DYNC1H1: variants seen among roughly 807,000 people sequenced by gnomAD.
DYNC1H1 encodes dynein cytoplasmic 1 heavy chain 1, also known as cytoplasmic dynein 1 heavy chain 1.
A neutral mutation model predicts 527.1 loss-of-function variants in DYNC1H1; 51 were observed. The observed-to-expected ratio is 0.10, with a 90% CI of 0.08 to 0.12. The LOEUF (loss-of-function observed/expected upper bound fraction) is 0.12, where lower values mean the gene tolerates loss of function less well. Ranked by LOEUF, DYNC1H1 falls within the 10% of genes least tolerant of loss-of-function variation. DYNC1H1 has a pLI of 1.00. For missense variants in DYNC1H1, 2,771 were observed against 5,971.8 expected (o/e 0.46, Z 17.66); for synonymous variants, 2,189 against 2,278.8 (o/e 0.96, Z 1.12).
chr14:101,966,601 T>C (rs1316956346), intron 1 of DYNC1H1, among the ~76,000 whole-genome samples: 1 of 152,194 alleles, frequency 6.6e-6, no homozygotes, highest in African/African-American at 2.4e-5. Context: ...AAATACATTT[T>C]AATCTGCATT....
In DYNC1H1 at chr14:102,034,392, G is replaced by C. The variant is rs547814062; in HGVS notation, c.10694G>C (p.Ser3565Thr). The C allele has an allele frequency of 1.9e-6, 3 of 1,613,984 alleles. No individual in the cohort carries two copies. The highest frequency in any genetic ancestry group is 2.5e-6 in the Non-Finnish European group (3 of 1,180,042). Residue 3565 changes from serine to threonine, a missense_variant, in exon 56 of 78, where the codon AGC becomes ACC. By Grantham distance (58) the Ser-to-Thr change is moderately conservative (BLOSUM62 1). Coordinates refer to ENST00000360184, the MANE Select transcript of DYNC1H1 (RefSeq NM_001376.5). ...NADERLRWQA[S>T]SLPADDLCTE... is the part of the protein sequence containing the mutation. Reference sequence around the variant, plus strand: ...GATGAGCGTCTTCGCTGGCAGGCCAGCTCCTTGCCTGCTGATGACCTTTGC... The same window carrying C: ...GATGAGCGTCTTCGCTGGCAGGCCACCTCCTTGCCTGCTGATGACCTTTGC...
chr14:101,973,418 C>T (rs961012905), intron 1 of DYNC1H1, among the ~76,000 whole-genome samples: 1 of 152,032 alleles, frequency 6.6e-6, no homozygotes, highest in Non-Finnish European at 1.5e-5. Context: ...CCTCGGCCTC[C>T]CAAAGTGCTG....
At chr14:102,008,411 C>G in intron 29 of DYNC1H1, 74 bp downstream of exon 29, 1 of 1,563,930 alleles carries the variant, frequency 6.4e-7, no homozygotes, top group Non-Finnish European at 8.7e-7. Flanking sequence ...TTTTCTACCT[C>G]TTGGATTAGA....
At chr14:101,994,432 T>C in intron 12 of DYNC1H1, 108 bp downstream of exon 12, 3 of 1,507,712 alleles carry the variant, frequency 2.0e-6, no homozygotes, top group Non-Finnish European at 2.7e-6. Flanking sequence ...GTATGTATGG[T>C]TCACTAGATA....
At position 102,042,604 on chromosome 14, in the gene DYNC1H1, C is replaced by T. The variant is rs185533516; in HGVS notation, c.12400-31C>T. On this transcript the variant is annotated intron_variant, in intron 68 of 77. Transcript: ENST00000360184. This position sits in a 1 kb window ranked among gnomAD's most constrained non-coding sequence, Gnocchi z 5.7. Reference sequence around the variant, plus strand: ...TTGAACAGGCGCCCTCATCCACACCCGAGCATAACTGGAACGGCGCTCTCC... The same window carrying T: ...TTGAACAGGCGCCCTCATCCACACCTGAGCATAACTGGAACGGCGCTCTCC... 51 of 1,613,962 alleles carry T rather than the reference C, an allele frequency of 3.2e-5. No individual in the cohort carries two copies. In the Admixed American group the frequency reaches 4.2e-4, roughly 13 times the overall value.
chr14:102,040,450 G>A, intron 63 of DYNC1H1, 40 bp downstream of exon 63: 1 of 1,613,866 alleles, frequency 6.2e-7, no homozygotes, highest in Admixed American at 1.7e-5. Context: ...GTAAATGTTG[G>A]CCTTTTCCCA....
Position 102,038,023 on chromosome 14 carries a change from T to G in DYNC1H1, c.10909-437T>G. The G allele has an allele frequency of 3.3e-6, 1 of 305,508 alleles. No homozygotes were observed. The highest frequency in any genetic ancestry group is 2.2e-5 in the African/African-American group (1 of 46,128). 18.9% of individuals were successfully genotyped at this position (305,508 alleles called of 1,614,324 possible). On this transcript the variant is annotated intron_variant, in intron 57 of 77. Transcript: ENST00000360184. This position sits in a 1 kb window ranked among gnomAD's most constrained non-coding sequence, Gnocchi z 7.2. ...AGGAACTGAGTTTTAATTTTTTATT[T>G]TATGTTTTTTTGAGACAGAGTGTTG...
rs1053108987 is a variant in DYNC1H1, at chr14:102,001,431, G to A, written c.4395+77G>A. The A allele has an allele frequency of 8.7e-6, 14 of 1,613,084 alleles. No homozygotes were observed. In the East Asian group the frequency reaches 1.6e-4, roughly 18 times the overall value. On this transcript the variant is annotated intron_variant, in intron 20 of 77. Transcript: ENST00000360184. The surrounding 1 kb of genome is among the most constrained non-coding windows in gnomAD (Gnocchi z 5.0). The stretch of plus-strand genomic sequence containing the variant: ...TAGATCTGAGCTATGTAAAAATGGA[G>A]CCTTGTCATCTGTGGTCCTTTTGGT...
intron 1 of DYNC1H1, among the ~76,000 whole-genome samples, chr14:101,970,473 G>GTTTTTTTTTTTT (rs958653217): frequency 1.2e-4 from 10 of 81,466 alleles, no homozygotes; most frequent in Non-Finnish European, 1.5e-4. Flanking sequence ...GTTTGTTGTT[G>GTTTTTTTTTTTT]TTTTTTTTTT....
Position 102,036,636 on chromosome 14 carries a change from G to C in DYNC1H1, c.10902G>C (p.Leu3634=). Residue 3634 remains leucine (L), a synonymous_variant, in exon 57 of 78, where the codon CTG becomes CTC. Transcript: ENST00000360184. The surrounding 1 kb of genome is among the most constrained non-coding windows in gnomAD (Gnocchi z 5.6). ...CACTGAGATTCGGTAACCCCCTTCT[G>C]GTCCAGGTTGGTGTTGGCCTTTGAA... is the stretch of plus-strand genomic sequence containing the variant. The part of the protein sequence containing the change: ...ESALRFGNPL[L]VQDVESYDPV... 1 of 1,614,048 alleles carries C rather than the reference G, an allele frequency of 6.2e-7. No individual in the cohort carries two copies. The highest frequency in any genetic ancestry group is 8.5e-7 in the Non-Finnish European group (1 of 1,179,964).
chr14:102,027,133 A>G lies in DYNC1H1; in HGVS notation c.8772-41A>G. The G allele has an allele frequency of 6.3e-7, 1 of 1,591,402 alleles. No homozygotes were observed. Among genetic ancestry groups the G allele is most frequent in the Non-Finnish European group, 8.6e-7 (1 of 1,159,306 alleles). On this transcript the variant is annotated intron_variant, in intron 44 of 77. Coordinates refer to ENST00000360184, the MANE Select transcript of DYNC1H1 (RefSeq NM_001376.5). This position sits in a 1 kb window ranked among gnomAD's most constrained non-coding sequence, Gnocchi z 7.7. ...ATATGAGTCAAAAGGGGAATGAGGC[A>G]TTATAAGCCTTAACATTGATCAGTT...
At chr14:102,026,863 T>G in intron 44 of DYNC1H1, 156 bp downstream of exon 44, 1 of 1,137,728 alleles carries the variant, frequency 8.8e-7, no homozygotes, top group East Asian at 2.6e-5. Flanking sequence ...TAAGTCCAGC[T>G]TAACCATCCT....
In DYNC1H1 at chr14:102,026,790, A is replaced by G. The variant is rs565207986; in HGVS notation, c.8771+83A>G. ...TGTGTGCCGGGTCACACCAGGCCTCATGCTGTCCTACCACCTCCACCTCAG... is the reference window on the plus strand; with the variant it reads ...TGTGTGCCGGGTCACACCAGGCCTCGTGCTGTCCTACCACCTCCACCTCAG... On this transcript the variant is annotated intron_variant, in intron 44 of 77. Transcript: ENST00000360184. 5 of 1,561,664 alleles carry G rather than the reference A, an allele frequency of 3.2e-6. No homozygotes were observed. The Admixed American group carries it at 7.6e-5, about 24-fold the overall frequency.
At chr14:101,973,659 C>T (rs1267424477) in intron 1 of DYNC1H1, among the ~76,000 whole-genome samples, 1 of 152,198 alleles carries the variant, frequency 6.6e-6, no homozygotes, top group Admixed American at 6.5e-5. Context: ...TAAAAATCCA[C>T]TGAAGGTGGT....
chr14:102,047,637 G>GTATA lies in DYNC1H1; in HGVS notation c.13007-179_13007-178insATAT, dbSNP rs1311727690. On this transcript the variant is annotated intron_variant, in intron 72 of 77. Transcript: ENST00000360184. ...TATATACACGTGTGTGTGTGTGTGT[G>GTATA]TGTGTATATATATATATATATATAT... 79 of 394,196 alleles carry GTATA rather than the reference G, an allele frequency of 2.0e-4. 1 individual carries two copies. The African/African-American group carries it at 3.1e-3, about 15-fold the overall frequency. 24.4% of individuals were successfully genotyped at this position (394,196 alleles called of 1,614,324 possible).
Position 101,979,413 on chromosome 14 carries a change from G to A in DYNC1H1, c.439G>A (p.Glu147Lys), listed in dbSNP as rs2047838027. The change falls in exon 3 of 78, where the codon GAA becomes AAA. Residue 147 changes from glutamate (E) to lysine (K), a missense_variant. Glu to Lys is a moderately conservative substitution (Grantham distance 56). Around this residue, in one of 32 missense-constraint regions of DYNC1H1, gnomAD observed 146 missense variants for 288.1 expected, o/e 0.51. Transcript: ENST00000360184. The surrounding 1 kb of genome is among the most constrained non-coding windows in gnomAD (Gnocchi z 4.6). ...VLTLSEDSPY[E>K]TLHSFISNAV... Reference sequence around the variant, plus strand: ...TACACTCAGTGAAGACTCGCCCTACGAAACTTTGCATTCTTTCATTAGCAA... The same window carrying A: ...TACACTCAGTGAAGACTCGCCCTACAAAACTTTGCATTCTTTCATTAGCAA... 6 of 1,614,018 alleles carry A rather than the reference G, an allele frequency of 3.7e-6. No individual in the cohort carries two copies. Among genetic ancestry groups the A allele is most frequent in the South Asian group, 1.1e-5 (1 of 91,082 alleles).
chr14:102,040,130 C>T (rs1469564209), intron 62 of DYNC1H1, 106 bp from the exon 63 acceptor site: 2 of 1,462,734 alleles, frequency 1.4e-6, no homozygotes, highest in Admixed American at 3.3e-5. Context: ...TAGGCCTGAG[C>T]CACTGTGCCC....
intron 72 of DYNC1H1, chr14:102,045,351 C>G (rs936841117): frequency 1.3e-5 from 2 of 153,632 alleles, no homozygotes; most frequent in Admixed American, 6.4e-5. Flanking sequence ...TATAATCCCA[C>G]TATAATCCCA....
Position 102,022,891 on chromosome 14 carries a change from C to T in DYNC1H1, c.8637+11C>T, listed in dbSNP as rs367952855. The T allele has an allele frequency of 2.5e-6, 4 of 1,614,050 alleles. No homozygotes were observed. The highest frequency in any genetic ancestry group is 1.7e-5 in the Admixed American group (1 of 60,004). On this transcript the variant is annotated intron_variant, in intron 43 of 77. Coordinates refer to ENST00000360184, the MANE Select transcript of DYNC1H1 (RefSeq NM_001376.5). ...AACTGGCTGTCAAAGGTAGCAAACT[C>T]GCATCATTTCAGACATACTTCTTTT...
Sources: allele counts gnomAD v4.1 joint callset (sites outside exome capture counted in the v4.1 genomes callset), GRCh38; gene constraint gnomAD v4.1.1; regional missense constraint gnomAD v4.1.1; non-coding constraint Gnocchi (gnomAD v3.1); transcripts MANE v1.5; gene names NCBI Gene and HGNC (gene_info 2026-07-23, HGNC 2026-07-21).